FGF14: variants seen among roughly 807,000 people sequenced by gnomAD.
FGF14 encodes fibroblast growth factor 14, also known as fibroblast growth factor homologous factor 4.
FGF14 carries 5 observed loss-of-function variants against 25.5 expected under a neutral mutation model. The observed-to-expected ratio is 0.20, with a 90% CI of 0.10 to 0.41. FGF14 has a LOEUF of 0.41. Ranked by LOEUF, FGF14 falls within the 10% of genes least tolerant of loss-of-function variation. FGF14 has a pLI of 1.00. For synonymous variants in FGF14, 138 were observed against 118.3 expected, an observed-to-expected ratio of 1.17 and a Z score of -1.08; for missense variants, 222 against 320.1, an observed-to-expected ratio of 0.69 and a Z score of 2.34.
At chr13:102,278,780 T>C (rs1361091162) in intron 1 of FGF14, among the ~76,000 whole-genome samples, 1 of 152,150 alleles carries the variant, frequency 6.6e-6, no homozygotes, top group East Asian at 1.9e-4. Context: ...CAAACAGCAA[T>C]TGTGAGACAG....
chr13:102,318,800 C>T (rs574687282), intron 1 of FGF14, among the ~76,000 whole-genome samples: 58 of 152,212 alleles, frequency 3.8e-4, no homozygotes, highest in African/African-American at 1.3e-3. Context: ...GAGGGGGGCA[C>T]GTTTCAACCC....
intron 1 of FGF14, among the ~76,000 whole-genome samples, chr13:102,054,096 A>G (rs549852185): frequency 1.7e-4 from 26 of 152,218 alleles, no homozygotes; most frequent in Non-Finnish European, 2.2e-4. Context: ...ATCCTTAGGA[A>G]CAAGACAAGA....
chr13:102,143,280 GT>G, intron 1 of FGF14, among the ~76,000 whole-genome samples: 1 of 152,046 alleles, frequency 6.6e-6, no homozygotes. Context: ...AGTATGGGGG[GT>G]TAGGTGGGCC....
chr13:102,128,189 AGAT>A (rs962405383), intron 1 of FGF14, among the ~76,000 whole-genome samples: 18 of 131,822 alleles, frequency 1.4e-4, no homozygotes, highest in South Asian at 1.1e-3. Flanking sequence ...TCTATAAAAA[AGAT>A]GATGATAGAA....
At chr13:101,844,539 C>A (rs1283828677) in intron 3 of FGF14, among the ~76,000 whole-genome samples, 2 of 151,930 alleles carry the variant, frequency 1.3e-5, no homozygotes, top group Non-Finnish European at 2.9e-5. Context: ...TATGGCTGAG[C>A]TTCTTTTTAT....
intron 1 of FGF14, among the ~76,000 whole-genome samples, chr13:102,056,402 A>C (rs570596821): frequency 1.6e-4 from 24 of 152,330 alleles, no homozygotes; most frequent in Non-Finnish European, 2.6e-4. Flanking sequence ...AGTTCGTGCC[A>C]CTACCAACAG....
intron 1 of FGF14, among the ~76,000 whole-genome samples, chr13:102,021,285 A>G (rs1208413328): frequency 6.6e-6 from 1 of 152,086 alleles, no homozygotes; most frequent in East Asian, 1.9e-4. Flanking sequence ...CTATGACAAC[A>G]TTCTTGAAAC....
At chr13:101,850,708 T>C (rs530518820) in intron 3 of FGF14, among the ~76,000 whole-genome samples, 3 of 146,002 alleles carry the variant, frequency 2.1e-5, no homozygotes, top group African/African-American at 5.0e-5. Flanking sequence ...AATATACATA[T>C]AATACATATA....
chr13:101,798,201 T>A (rs1249957218), intron 3 of FGF14, among the ~76,000 whole-genome samples: 1 of 152,154 alleles, frequency 6.6e-6, no homozygotes, highest in African/African-American at 2.4e-5. Context: ...GGTCTCAACA[T>A]GTCTCACAGT....
At chr13:101,800,753 G>C (rs1423656875) in intron 3 of FGF14, among the ~76,000 whole-genome samples, 2 of 152,128 alleles carry the variant, frequency 1.3e-5, no homozygotes, top group South Asian at 4.1e-4. Flanking sequence ...CTTGTTCTAG[G>C]GAGTTTTGGA....
At chr13:101,990,324 C>T (rs929811502) in intron 1 of FGF14, among the ~76,000 whole-genome samples, 1 of 152,108 alleles carries the variant, frequency 6.6e-6, no homozygotes, top group Non-Finnish European at 1.5e-5. Context: ...GTGAATTCTG[C>T]TTGCTCTTCC....
intron 1 of FGF14, among the ~76,000 whole-genome samples, chr13:101,903,589 G>A (rs1183723168): frequency 6.6e-6 from 1 of 152,060 alleles, no homozygotes; most frequent in Non-Finnish European, 1.5e-5. Flanking sequence ...CAGGAGAATT[G>A]TAGCTTTTAT....
intron 3 of FGF14, among the ~76,000 whole-genome samples, chr13:101,817,375 C>A (rs2041896239): frequency 6.6e-6 from 1 of 151,898 alleles, no homozygotes; most frequent in Admixed American, 6.6e-5. Context: ...CCTGGATAAA[C>A]CTTAAATACA....
intron 1 of FGF14, among the ~76,000 whole-genome samples, chr13:101,945,333 T>G (rs115367632): frequency 0.011 from 1,667 of 152,212 alleles, 33 homozygotes; most frequent in African/African-American, 0.038. Context: ...AAATAATGGT[T>G]ACAATATTAA....
chr13:101,759,770 T>G (rs761883455), intron 3 of FGF14, among the ~76,000 whole-genome samples: 19 of 152,144 alleles, frequency 1.2e-4, no homozygotes, highest in Non-Finnish European at 2.8e-4. Flanking sequence ...CTATTTAGCC[T>G]TATAATAGTC....
intron 1 of FGF14, among the ~76,000 whole-genome samples, chr13:102,263,665 C>T (rs560901321): frequency 4.3e-4 from 66 of 152,202 alleles, no homozygotes; most frequent in African/African-American, 1.4e-3. Context: ...AATGTTAGCA[C>T]AGATAAAAAT....
intron 1 of FGF14, among the ~76,000 whole-genome samples, chr13:102,035,118 G>C (rs2139961102): frequency 6.6e-6 from 1 of 152,146 alleles, no homozygotes; most frequent in Non-Finnish European, 1.5e-5. Context: ...TGCCTGAGTT[G>C]ATGAGTCAGA....
intron 3 of FGF14, among the ~76,000 whole-genome samples, chr13:101,734,410 T>C (rs888449293): frequency 2.0e-5 from 3 of 152,176 alleles, no homozygotes; most frequent in Non-Finnish European, 2.9e-5. Context: ...AGATTATAAA[T>C]AAAAATGTGT....
intron 1 of FGF14, among the ~76,000 whole-genome samples, chr13:102,282,189 C>T (rs899476147): frequency 6.6e-6 from 1 of 151,974 alleles, no homozygotes; most frequent in Non-Finnish European, 1.5e-5. Context: ...GCCTCAGCCT[C>T]CCGAGTAGCT....
Sources: allele counts gnomAD v4.1 joint callset (sites outside exome capture counted in the v4.1 genomes callset), GRCh38; gene constraint gnomAD v4.1.1; transcripts MANE v1.5; gene names NCBI Gene and HGNC (gene_info 2026-07-23, HGNC 2026-07-21).